Variants in SLC71A2 observed in about 807,000 individuals in gnomAD.
SLC71A2 encodes solute carrier family 71 member 2, also known as hippocampus abundant transcript-like 1.
At chr9:94,386,196 TA>T in the SLC71A2 span, among the ~76,000 whole-genome samples, 2 of 151,742 alleles carry the variant, frequency 1.3e-5, no homozygotes, top group African/African-American at 2.4e-5. Context: ...TATTTTTAGG[TA>T]TTTTTTTTTC....
At chr9:94,438,952 G>A in the SLC71A2 span, among the ~76,000 whole-genome samples, 18 of 151,596 alleles carry the variant, frequency 1.2e-4, no homozygotes, top group African/African-American at 3.6e-4. Context: ...CATAATAGGC[G>A]GGAGTCACTT....
the SLC71A2 span, among the ~76,000 whole-genome samples, chr9:94,405,424 G>A: frequency 2.0e-5 from 3 of 151,814 alleles, no homozygotes; most frequent in Admixed American, 1.3e-4. Context: ...GAACCCGGGA[G>A]GTGGACCACG....
the SLC71A2 span, among the ~76,000 whole-genome samples, chr9:94,390,522 A>C: frequency 6.6e-6 from 1 of 150,798 alleles, no homozygotes; most frequent in African/African-American, 2.4e-5. Flanking sequence ...AAGACAGTCC[A>C]TTCATTTTTA....
At chr9:94,439,038 T>TTTTTTTTG in the SLC71A2 span, among the ~76,000 whole-genome samples, 2 of 134,274 alleles carry the variant, frequency 1.5e-5, no homozygotes, top group South Asian at 2.4e-4. Flanking sequence ...TTTTTTTTTT[T>TTTTTTTTG]GGAGACGGAG....
At chr9:94,441,928 G>A in the SLC71A2 span, among the ~76,000 whole-genome samples, 1 of 152,234 alleles carries the variant, frequency 6.6e-6, no homozygotes, top group Admixed American at 6.5e-5. Context: ...TTTTACATCA[G>A]TGTCAGGACT....
chr9:94,454,921 A>T, the SLC71A2 span, among the ~76,000 whole-genome samples: 1 of 152,134 alleles, frequency 6.6e-6, no homozygotes, highest in Non-Finnish European at 1.5e-5. Flanking sequence ...AAGAAAAATT[A>T]GAAGGAATCG....
At chr9:94,439,491 G>A in the SLC71A2 span, among the ~76,000 whole-genome samples, 1 of 151,224 alleles carries the variant, frequency 6.6e-6, no homozygotes, top group Admixed American at 6.6e-5. Context: ...CTTATGTGAA[G>A]AACACACTTA....
At chr9:94,453,585 A>C in the SLC71A2 span, among the ~76,000 whole-genome samples, 2 of 152,226 alleles carry the variant, frequency 1.3e-5, no homozygotes, top group Admixed American at 6.5e-5. Context: ...CATATTCTGT[A>C]AATGTTCAGC....
At chr9:94,379,677 C>T in the SLC71A2 span, among the ~76,000 whole-genome samples, 7 of 152,272 alleles carry the variant, frequency 4.6e-5, no homozygotes, top group East Asian at 1.4e-3. Flanking sequence ...AGGCATGAGC[C>T]ACCATGCCTG....
chr9:94,438,455 G>A, the SLC71A2 span: 2 of 1,613,964 alleles, frequency 1.2e-6, no homozygotes, highest in South Asian at 1.1e-5. Context: ...TGATGTGTGG[G>A]GGAGGAAGCC....
the SLC71A2 span, among the ~76,000 whole-genome samples, chr9:94,430,921 A>C: frequency 3.3e-4 from 50 of 152,278 alleles, no homozygotes; most frequent in African/African-American, 1.2e-3. Context: ...TTAGTCTCTT[A>C]TAGTAAAGCA....
the SLC71A2 span, chr9:94,459,686 T>C: frequency 3.3e-5 from 12 of 360,688 alleles, no homozygotes; most frequent in South Asian, 4.5e-4. Context: ...GAAACTCAAA[T>C]AGAAAAAGTC....
At chr9:94,451,515 T>C in the SLC71A2 span, 1 of 1,562,236 alleles carries the variant, frequency 6.4e-7, no homozygotes, top group Non-Finnish European at 8.7e-7. Flanking sequence ...GAATTCTGTC[T>C]ATTGTGGCTC....
At chr9:94,455,598 G>A in the SLC71A2 span, among the ~76,000 whole-genome samples, 1 of 152,182 alleles carries the variant, frequency 6.6e-6, no homozygotes, top group African/African-American at 2.4e-5. Flanking sequence ...TTCAGTAGCT[G>A]ATTTAGTCAC....
chr9:94,399,895 T>G, the SLC71A2 span, among the ~76,000 whole-genome samples: 1 of 151,258 alleles, frequency 6.6e-6, no homozygotes, highest in East Asian at 2.0e-4. Flanking sequence ...AACCTCTGCC[T>G]CCTGGGTTCA....
the SLC71A2 span, among the ~76,000 whole-genome samples, chr9:94,385,122 A>G: frequency 6.6e-6 from 1 of 152,148 alleles, no homozygotes; most frequent in Non-Finnish European, 1.5e-5. Flanking sequence ...TAGCAGCACA[A>G]AATAGACTGA....
At chr9:94,454,679 TAG>T in the SLC71A2 span, among the ~76,000 whole-genome samples, 3 of 152,090 alleles carry the variant, frequency 2.0e-5, no homozygotes, top group Non-Finnish European at 2.9e-5. Context: ...TGCTAATTTT[TAG>T]AGACATTGAA....
the SLC71A2 span, among the ~76,000 whole-genome samples, chr9:94,401,690 A>G: frequency 2.0e-5 from 3 of 152,004 alleles, no homozygotes; most frequent in Admixed American, 2.0e-4. Flanking sequence ...TCTGGCTCTC[A>G]TGGTCTCAAG....
At chr9:94,450,621 C>G in the SLC71A2 span, among the ~76,000 whole-genome samples, 1 of 151,634 alleles carries the variant, frequency 6.6e-6, no homozygotes, top group African/African-American at 2.4e-5. Context: ...TCCTGAGTAG[C>G]TGGGATTACA....
Sources: allele counts gnomAD v4.1 joint callset (sites outside exome capture counted in the v4.1 genomes callset), GRCh38; gene constraint gnomAD v4.1.1; transcripts MANE v1.5; gene names NCBI Gene and HGNC (gene_info 2026-07-23, HGNC 2026-07-21).